The following RAB31 variants were observed in gnomAD, a reference collection of about 807,000 sequenced individuals.
RAB31 encodes RAB31, member RAS oncogene family.
Under a neutral mutation model 25.6 loss-of-function variants are expected in RAB31, and 21 were observed. The ratio of observed to expected loss-of-function variants is 0.82; its 90% CI spans 0.58 to 1.18. RAB31 has a LOEUF of 1.18. Ranked by LOEUF, RAB31 falls within the 50% of genes most tolerant of loss-of-function variation. RAB31 has a pLI of 0.00. For missense variants in RAB31, 196 were observed against 250.1 expected, an observed-to-expected ratio of 0.78 and a Z score of 1.46; for synonymous variants, 87 against 84.0, an observed-to-expected ratio of 1.04 and a Z score of -0.20.
At chr18:9,836,022 T>C (rs773336790) in intron 5 of RAB31, among the ~76,000 whole-genome samples, 2 of 151,930 alleles carry the variant, frequency 1.3e-5, no homozygotes, top group Non-Finnish European at 2.9e-5. Context: ...TGATGAGATG[T>C]TGTGAATGAT....
chr18:9,781,726 G>T (rs2068405856), intron 2 of RAB31, among the ~76,000 whole-genome samples: 1 of 152,192 alleles, frequency 6.6e-6, no homozygotes, highest in South Asian at 2.1e-4. Context: ...AAAAATTGAT[G>T]AAAATTTTCC....
intron 1 of RAB31, among the ~76,000 whole-genome samples, chr18:9,759,623 G>A (rs1053903274): frequency 6.6e-6 from 1 of 152,024 alleles, no homozygotes; most frequent in Admixed American, 6.6e-5. Flanking sequence ...CTGTTTCTAA[G>A]CCTCATCCCA....
intron 5 of RAB31, among the ~76,000 whole-genome samples, chr18:9,820,685 T>C (rs2068620559): frequency 6.6e-6 from 1 of 152,078 alleles, no homozygotes; most frequent in African/African-American, 2.4e-5. Context: ...AATCTTTTTT[T>C]CTTAATCCCA....
At chr18:9,812,017 C>T (rs1210400830) in intron 3 of RAB31, among the ~76,000 whole-genome samples, 1 of 152,202 alleles carries the variant, frequency 6.6e-6, no homozygotes, top group Non-Finnish European at 1.5e-5. Context: ...GATTCAGTGC[C>T]TGTGAGGGCC....
rs933316646 is a variant in RAB31, at chr18:9,860,874, A to C, written c.*1549A>C. On this transcript the variant is annotated 3_prime_UTR_variant, in exon 7 of 7. Transcript: ENST00000578921. The stretch of plus-strand genomic sequence containing the variant: ...ACGCTTCCACTTCACTCAACTTAAG[A>C]GAGTTCATTGACAGTGTTAGGATGT... 1.3e-5 allele frequency: 2 copies of C among 152,198 alleles called. No homozygotes were observed. The highest frequency in any genetic ancestry group is 4.8e-5 in the African/African-American group (2 of 41,434). The allele number at this position is 152,198 out of a possible 1,614,324, so 9.4% of individuals were successfully genotyped here. A position where few individuals can be genotyped will look rare whatever the true frequency, so the allele number is the denominator to read the frequency against.
intron 2 of RAB31, among the ~76,000 whole-genome samples, chr18:9,789,520 C>T (rs977442101): frequency 2.0e-5 from 3 of 151,894 alleles, no homozygotes; most frequent in Non-Finnish European, 2.9e-5. Context: ...TATTGTGTAC[C>T]GGCTAAAAAT....
chr18:9,832,271 T>C (rs1178850338), intron 5 of RAB31, among the ~76,000 whole-genome samples: 2 of 152,120 alleles, frequency 1.3e-5, no homozygotes, highest in Admixed American at 6.5e-5. Context: ...CCTCGATTGC[T>C]CCAAACCCTC....
chr18:9,826,082 A>G (rs1028140788), intron 5 of RAB31, among the ~76,000 whole-genome samples: 1 of 152,158 alleles, frequency 6.6e-6, no homozygotes, highest in South Asian at 2.1e-4. Flanking sequence ...CTAAAATAAA[A>G]GTTGAAATTA....
At chr18:9,752,106 C>T (rs2068238092) in intron 1 of RAB31, among the ~76,000 whole-genome samples, 1 of 152,094 alleles carries the variant, frequency 6.6e-6, no homozygotes, top group Non-Finnish European at 1.5e-5. Context: ...TCTACTCATA[C>T]AGCTTTGTTT....
chr18:9,822,409 T>C (rs1195301571), intron 5 of RAB31, among the ~76,000 whole-genome samples: 1 of 152,190 alleles, frequency 6.6e-6, no homozygotes, highest in Non-Finnish European at 1.5e-5. Context: ...CAAAGAGTTC[T>C]TAGACTTATC....
chr18:9,856,534 G>A (rs1309039957), intron 6 of RAB31, among the ~76,000 whole-genome samples: 1 of 152,146 alleles, frequency 6.6e-6, no homozygotes, highest in Non-Finnish European at 1.5e-5. Context: ...AGTCATGGAG[G>A]GCTAAAAAGC....
chr18:9,827,806 T>G (rs1447443337), intron 5 of RAB31, among the ~76,000 whole-genome samples: 1 of 152,226 alleles, frequency 6.6e-6, no homozygotes, highest in Non-Finnish European at 1.5e-5. Context: ...GGCAGCAAAG[T>G]GCTGTGAGAA....
intron 5 of RAB31, among the ~76,000 whole-genome samples, chr18:9,840,682 T>C (rs2068728993): frequency 6.6e-6 from 1 of 152,188 alleles, no homozygotes. Flanking sequence ...CTGGAGTTAG[T>C]GTAGACCCTG....
chr18:9,854,279 T>A (rs1346328262), intron 6 of RAB31, among the ~76,000 whole-genome samples: 2 of 152,178 alleles, frequency 1.3e-5, no homozygotes, highest in Non-Finnish European at 2.9e-5. Context: ...AGGGGAAGCC[T>A]AATGATTTTA....
At chr18:9,792,697 A>G (rs759979569) in intron 3 of RAB31, among the ~76,000 whole-genome samples, 12 of 152,172 alleles carry the variant, frequency 7.9e-5, no homozygotes, top group Non-Finnish European at 1.5e-4. Context: ...GGCCTGCCTT[A>G]GGCCCCATGC....
intron 5 of RAB31, among the ~76,000 whole-genome samples, chr18:9,833,460 G>C (rs1338369136): frequency 1.3e-5 from 2 of 152,196 alleles, no homozygotes; most frequent in Non-Finnish European, 2.9e-5. Context: ...ACCAGGTCCT[G>C]AACGCCCAGA....
chr18:9,824,661 A>G (rs946637278), intron 5 of RAB31, among the ~76,000 whole-genome samples: 1 of 152,202 alleles, frequency 6.6e-6, no homozygotes, highest in African/African-American at 2.4e-5. Context: ...AGTGTGTTTC[A>G]TCTTCTTGCA....
intron 5 of RAB31, among the ~76,000 whole-genome samples, chr18:9,826,811 A>G (rs535554970): frequency 6.6e-6 from 1 of 151,794 alleles, no homozygotes; most frequent in Admixed American, 6.6e-5. Flanking sequence ...ACCTGCAGGT[A>G]TTTCAGGAAC....
At chr18:9,853,576 T>G (rs148783620) in intron 6 of RAB31, among the ~76,000 whole-genome samples, 333 of 152,322 alleles carry the variant, frequency 2.2e-3, no homozygotes, top group African/African-American at 7.6e-3. Context: ...GCAGTGAAAC[T>G]GTTCTGTCTG....
Sources: allele counts gnomAD v4.1 joint callset (sites outside exome capture counted in the v4.1 genomes callset), GRCh38; gene constraint gnomAD v4.1.1; transcripts MANE v1.5; gene names NCBI Gene and HGNC (gene_info 2026-07-23, HGNC 2026-07-21).